The following MYBPC1 variants were observed in gnomAD, a reference collection of about 807,000 sequenced individuals.
MYBPC1 encodes the protein myosin binding protein C1.
Under a neutral mutation model 147.1 loss-of-function variants are expected in MYBPC1, and 52 were observed. The observed-to-expected ratio is 0.35, with a 90% CI of 0.28 to 0.45. The LOEUF is 0.45. Among genes scored for constraint, MYBPC1 ranks in the 20% least tolerant of loss-of-function variants. MYBPC1 has a pLI of 1.00. For missense variants in MYBPC1, 1,228 were observed against 1,440.3 expected, an observed-to-expected ratio of 0.85 and a Z score of 2.39; for synonymous variants, 477 against 475.9, an observed-to-expected ratio of 1.00 and a Z score of -0.03.
rs1565991165 is a variant in MYBPC1, at chr12:101,667,772, G to C, written c.2397G>C (p.Lys799Asn). The C allele has an allele frequency of 1.2e-6, 2 of 1,614,142 alleles. No individual in the cohort carries two copies. The highest frequency in any genetic ancestry group is 3.3e-4 in the Middle Eastern group (2 of 6,062). The change falls in exon 23 of 32, where the codon AAG becomes AAC. Residue 799 changes from lysine (K) to asparagine (N), a missense_variant. Physicochemically the swap from Lys to Asn is moderately conservative, Grantham distance 94. This residue lies in a region of MYBPC1 where 1,077 missense variants were observed against 1,314.2 expected (regional missense o/e 0.82). Coordinates refer to ENST00000361466, the MANE Select transcript of MYBPC1 (RefSeq NM_002465.4). Reference protein sequence around the residue: ...WIVANKDLIDKTKFTITGLPT... With the variant: ...WIVANKDLIDNTKFTITGLPT... ...TTGCAAACAAAGATCTGATTGACAA[G>C]ACGAAGTTCACCATCACAGGTCTGC... is the stretch of plus-strand genomic sequence containing the variant.
intron 1 of MYBPC1, among the ~76,000 whole-genome samples, chr12:101,604,359 A>C (rs552919066): frequency 7.2e-4 from 109 of 152,346 alleles, no homozygotes; most frequent in African/African-American, 2.5e-3. Flanking sequence ...GAGTCATTGA[A>C]TATTTACATG....
chr12:101,654,685 A>T (rs1173512790), intron 18 of MYBPC1, among the ~76,000 whole-genome samples: 1 of 152,180 alleles, frequency 6.6e-6, no homozygotes, highest in African/African-American at 2.4e-5. Flanking sequence ...ACTACCCAAG[A>T]TTCAAGAAAG....
chr12:101,636,779 C>A, intron 10 of MYBPC1, 51 bp downstream of exon 10: 1 of 1,475,400 alleles, frequency 6.8e-7, no homozygotes, highest in Non-Finnish European at 9.5e-7. Flanking sequence ...GTCTTTCAGA[C>A]ACCCACTCAG....
At chr12:101,693,147 C>T in the MYBPC1 span, among the ~76,000 whole-genome samples, 3 of 151,976 alleles carry the variant, frequency 2.0e-5, no homozygotes, top group African/African-American at 4.8e-5. Flanking sequence ...AGGGCTTCAC[C>T]GTGTTAGCCA....
chr12:101,622,635 C>A (rs893680627), intron 3 of MYBPC1, among the ~76,000 whole-genome samples: 1 of 151,808 alleles, frequency 6.6e-6, no homozygotes, highest in African/African-American at 2.4e-5. Context: ...CTCAGGAGAC[C>A]GAGGCAGAAG....
chr12:101,597,280 G>A (rs1185866019), intron 1 of MYBPC1, among the ~76,000 whole-genome samples: 5 of 152,152 alleles, frequency 3.3e-5, no homozygotes, highest in Admixed American at 6.5e-5. Context: ...CCAAAGAACA[G>A]GCTCCTCCAG....
intron 22 of MYBPC1, among the ~76,000 whole-genome samples, chr12:101,665,329 G>A (rs1472737413): frequency 6.6e-6 from 1 of 151,992 alleles, no homozygotes; most frequent in Non-Finnish European, 1.5e-5. Context: ...TCTTTATGTG[G>A]CTGCCGACTC....
downstream of MYBPC1, among the ~76,000 whole-genome samples, chr12:101,688,561 T>C (rs1951380328): frequency 1.3e-5 from 2 of 152,340 alleles, no homozygotes; most frequent in Admixed American, 1.3e-4. Flanking sequence ...CCTTAACCAT[T>C]CATTTTTAGA....
At chr12:101,659,174 C>A (rs1420689111) in intron 18 of MYBPC1, among the ~76,000 whole-genome samples, 1 of 152,224 alleles carries the variant, frequency 6.6e-6, no homozygotes, top group African/African-American at 2.4e-5. Flanking sequence ...GGCCTTGCAG[C>A]CTTCTTCAAT....
At chr12:101,688,852 C>T (rs1951382421), downstream of MYBPC1, among the ~76,000 whole-genome samples, 1 of 149,640 alleles carries the variant, frequency 6.7e-6, no homozygotes, top group Non-Finnish European at 1.5e-5. Flanking sequence ...ACTCAGAAGG[C>T]TGATATATGA....
intron 9 of MYBPC1, 21 bp from the exon 10 acceptor site, chr12:101,636,651 C>T: frequency 6.2e-7 from 1 of 1,612,308 alleles, no homozygotes; most frequent in Non-Finnish European, 8.5e-7. Flanking sequence ...CCCAGATTTG[C>T]TTTTCTTTTG....
intron 12 of MYBPC1, among the ~76,000 whole-genome samples, chr12:101,645,167 A>G (rs1208895767): frequency 6.6e-6 from 1 of 152,048 alleles, no homozygotes; most frequent in Non-Finnish European, 1.5e-5. Context: ...TCTTATAATT[A>G]GATGACTTTT....
chr12:101,629,148 A>AATT, intron 5 of MYBPC1: 3 of 416,698 alleles, frequency 7.2e-6, no homozygotes, highest in South Asian at 6.4e-5. Context: ...GAAGCAAAGG[A>AATT]ATTATTGCCA....
chr12:101,633,492 G>T lies in MYBPC1; in HGVS notation c.557-1062G>T, dbSNP rs371716317. ...TCACGAGGACAGCAGTCCGAGACCA[G>T]CCTGGCCAACATGGTGAAACCCCGT... On this transcript the variant is annotated intron_variant, in intron 8 of 31. Transcript: ENST00000361466. 1.0e-3 allele frequency among the ~76,000 whole-genome samples: 159 copies of T among 152,160 alleles called. 1 individual carries two copies. The highest frequency in any genetic ancestry group is 3.5e-3 in the African/African-American group (144 of 41,540).
At chr12:101,678,056 G>T (rs372932272) in intron 27 of MYBPC1, 46 bp from the exon 28 acceptor site, 3 of 1,591,314 alleles carry the variant, frequency 1.9e-6, no homozygotes, top group Non-Finnish European at 2.6e-6. Flanking sequence ...TATATTCTCA[G>T]GCCAATTTAC....
At chr12:101,598,255 G>C (rs1487052727) in intron 1 of MYBPC1, among the ~76,000 whole-genome samples, 1 of 152,078 alleles carries the variant, frequency 6.6e-6, no homozygotes, top group Non-Finnish European at 1.5e-5. Context: ...GCTGACCTCA[G>C]GTGGTCCACC....
chr12:101,675,563 G>A (rs953794578), intron 26 of MYBPC1, 132 bp downstream of exon 26: 2 of 1,358,760 alleles, frequency 1.5e-6, no homozygotes, highest in African/African-American at 1.4e-5. Context: ...AGAGCAGAAA[G>A]GAAAAGACCT....
intron 17 of MYBPC1, 143 bp from the exon 18 acceptor site, chr12:101,652,972 C>G: frequency 8.1e-7 from 1 of 1,235,914 alleles, no homozygotes. Flanking sequence ...TGCAAGGTGC[C>G]AGGCACCAAC....
intron 2 of MYBPC1, among the ~76,000 whole-genome samples, chr12:101,616,790 G>C (rs1266552747): frequency 6.6e-6 from 1 of 152,160 alleles, no homozygotes. Flanking sequence ...AAATCTAGAA[G>C]TCCAAACTCT....
Sources: allele counts gnomAD v4.1 joint callset (sites outside exome capture counted in the v4.1 genomes callset), GRCh38; gene constraint gnomAD v4.1.1; regional missense constraint gnomAD v4.1.1; transcripts MANE v1.5; gene names NCBI Gene and HGNC (gene_info 2026-07-23, HGNC 2026-07-21).